TOX2: variants seen among roughly 807,000 people sequenced by gnomAD.
TOX2 encodes granulosa cell HMG box 1.
TOX2 carries 15 observed loss-of-function variants against 47.4 expected under a neutral mutation model. That is an observed-to-expected ratio of 0.32 (90% CI 0.21 to 0.49). The LOEUF (loss-of-function observed/expected upper bound fraction) is 0.49. Ranked by LOEUF, TOX2 falls within the 20% of genes least tolerant of loss-of-function variation. TOX2 has a pLI of 0.99. For synonymous variants in TOX2, 290 were observed against 296.6 expected (o/e 0.98, Z 0.23); for missense variants, 622 against 673.1 (o/e 0.92, Z 0.84).
chr20:44,019,228 G>A (rs2070940903), intron 3 of TOX2, among the ~76,000 whole-genome samples: 1 of 152,230 alleles, frequency 6.6e-6, no homozygotes, highest in African/African-American at 2.4e-5. Flanking sequence ...TTACACAGCA[G>A]TCTGCTTCAT....
intron 1 of TOX2, among the ~76,000 whole-genome samples, chr20:43,928,163 T>C (rs1339541647): frequency 2.6e-5 from 4 of 152,184 alleles, no homozygotes; most frequent in Non-Finnish European, 4.4e-5. Context: ...AGTGTCAAGA[T>C]GTGAGGCTGA....
At chr20:44,063,525 C>A (rs559743293) in intron 5 of TOX2, among the ~76,000 whole-genome samples, 2 of 152,272 alleles carry the variant, frequency 1.3e-5, no homozygotes, top group South Asian at 2.1e-4. Context: ...ACTAGTACAT[C>A]CACTGTGAAA....
chr20:44,001,809 G>A (rs1366136877), intron 2 of TOX2, among the ~76,000 whole-genome samples: 5 of 152,140 alleles, frequency 3.3e-5, no homozygotes, highest in Non-Finnish European at 7.4e-5. Context: ...GGAGAGCTGT[G>A]GTTTGAAACT....
intron 7 of TOX2, 127 bp downstream of exon 7, chr20:44,066,234 G>T: frequency 9.6e-7 from 1 of 1,042,442 alleles, no homozygotes; most frequent in Non-Finnish European, 1.3e-6. Flanking sequence ...TGACCTCTCT[G>T]AGCCTCAGTT....
intron 2 of TOX2, among the ~76,000 whole-genome samples, chr20:43,999,887 T>C (rs192489795): frequency 6.6e-6 from 1 of 152,294 alleles, no homozygotes; most frequent in African/African-American, 2.4e-5. Context: ...TGGAATAGAA[T>C]TGAGAGTGTA....
chr20:43,968,479 G>A (rs997764378), intron 1 of TOX2, among the ~76,000 whole-genome samples: 3 of 152,250 alleles, frequency 2.0e-5, no homozygotes, highest in East Asian at 1.9e-4. Flanking sequence ...GTTGGAATAG[G>A]GGCCGAGGAG....
intron 2 of TOX2, among the ~76,000 whole-genome samples, chr20:43,978,801 T>A (rs1316209039): frequency 7.8e-6 from 1 of 128,654 alleles, no homozygotes; most frequent in Non-Finnish European, 1.7e-5. Flanking sequence ...GTGTGTGTAT[T>A]AGAGTCAGAC....
rs1284719355 is a variant in TOX2, at chr20:44,054,590, C to T, written c.879+64C>T. The T allele has an allele frequency of 4.0e-6, 6 of 1,513,818 alleles. No homozygotes were observed. In the Admixed American group the frequency reaches 9.5e-5, roughly 24 times the overall value. The allele number at this position is 1,513,818 out of a possible 1,614,324, so 93.8% of individuals were successfully genotyped here. ...TTGTGGTCCTGGAACCAAGGACACACTTTGAAGGTCTGAAACCAGGCCCAG... is the reference window on the plus strand; with the variant it reads ...TTGTGGTCCTGGAACCAAGGACACATTTTGAAGGTCTGAAACCAGGCCCAG... On this transcript the variant is annotated intron_variant, in intron 5 of 8. Coordinates refer to ENST00000341197, the MANE Select transcript of TOX2 (RefSeq NM_001098797.2).
chr20:44,033,922 C>G (rs149696076), intron 3 of TOX2, among the ~76,000 whole-genome samples: 6 of 152,290 alleles, frequency 3.9e-5, no homozygotes, highest in Admixed American at 3.9e-4. Flanking sequence ...AGGACTGAGA[C>G]GTGTCGACTT....
At chr20:43,986,732 AT>A (rs2070274032) in intron 2 of TOX2, among the ~76,000 whole-genome samples, 1 of 152,158 alleles carries the variant, frequency 6.6e-6, no homozygotes, top group Non-Finnish European at 1.5e-5. Context: ...AAAGCTGAAT[AT>A]ATGTCTCTAT....
rs554539847 is a variant in TOX2, at chr20:44,055,342, C to G, written c.879+816C>G. Among the ~76,000 whole-genome samples, 6 of 152,336 alleles carry G rather than the reference C, an allele frequency of 3.9e-5. No homozygotes were observed. In the South Asian group the frequency reaches 1.2e-3, roughly 32 times the overall value. Reference sequence around the variant, plus strand: ...ACATAGTTCATGAGAGTGGAAAGAGCAGGGACGGACATTGTCCCAGGGGTC... The same window carrying G: ...ACATAGTTCATGAGAGTGGAAAGAGGAGGGACGGACATTGTCCCAGGGGTC... On this transcript the variant is annotated intron_variant, in intron 5 of 8. Transcript: ENST00000341197.
intron 1 of TOX2, among the ~76,000 whole-genome samples, chr20:43,963,512 A>G (rs2069798052): frequency 6.6e-6 from 1 of 152,034 alleles, no homozygotes; most frequent in Non-Finnish European, 1.5e-5. Flanking sequence ...GCCAGGATGT[A>G]CTCTTAGGAG....
chr20:43,981,874 C>T (rs1225219169), intron 2 of TOX2, among the ~76,000 whole-genome samples: 2 of 151,228 alleles, frequency 1.3e-5, no homozygotes, highest in Non-Finnish European at 1.5e-5. Flanking sequence ...AGAAATTTAG[C>T]TGTGCAGGAC....
chr20:44,015,574 G>A (rs1463061776), intron 3 of TOX2, among the ~76,000 whole-genome samples: 2 of 152,184 alleles, frequency 1.3e-5, no homozygotes, highest in Non-Finnish European at 2.9e-5. Flanking sequence ...CCCCAGAGCG[G>A]GAGTAATAGC....
At chr20:44,048,535 A>T (rs1429636329) in intron 3 of TOX2, among the ~76,000 whole-genome samples, 1 of 151,126 alleles carries the variant, frequency 6.6e-6, no homozygotes, top group African/African-American at 2.4e-5. Context: ...AAGCTCTTTC[A>T]TTCTCTAAGG....
chr20:43,965,497 C>A (rs141040738), intron 1 of TOX2, among the ~76,000 whole-genome samples: 2 of 152,318 alleles, frequency 1.3e-5, no homozygotes, highest in Admixed American at 1.3e-4. Flanking sequence ...ATAGTAAGCA[C>A]GCACAAGAGA....
chr20:43,960,890 A>G (rs1298417262), intron 1 of TOX2, among the ~76,000 whole-genome samples: 1 of 152,244 alleles, frequency 6.6e-6, no homozygotes, highest in African/African-American at 2.4e-5. Context: ...GGAACGGCCC[A>G]GGGGCTCAGA....
intron 3 of TOX2, among the ~76,000 whole-genome samples, chr20:44,022,268 C>T (rs1404328388): frequency 1.3e-5 from 2 of 151,904 alleles, no homozygotes; most frequent in Non-Finnish European, 2.9e-5. Flanking sequence ...CAGCTACATG[C>T]GTGTTGAGGA....
rs2071645430 is a variant in TOX2, at chr20:44,057,714, T to TAAAACAATAATCATTTATTCAAC, written c.879+3189_879+3211dup. 3.3e-5 allele frequency among the ~76,000 whole-genome samples: 5 copies of TAAAACAATAATCATTTATTCAAC among 151,942 alleles called. No homozygotes were observed. In the South Asian group the frequency reaches 1.0e-3, roughly 31 times the overall value. On this transcript the variant is annotated intron_variant, in intron 5 of 8. Coordinates refer to ENST00000341197, the MANE Select transcript of TOX2 (RefSeq NM_001098797.2). ...TAAACAATACCAAAATTTAATGGCT[T>TAAAACAATAATCATTTATTCAAC]AAAACAATAATCATTTATTCAACTT...
Sources: allele counts gnomAD v4.1 joint callset (sites outside exome capture counted in the v4.1 genomes callset), GRCh38; gene constraint gnomAD v4.1.1; transcripts MANE v1.5; gene names NCBI Gene and HGNC (gene_info 2026-07-23, HGNC 2026-07-21).